The following LHFPL6 variants were observed in gnomAD, a reference collection of about 807,000 sequenced individuals.
LHFPL6 encodes LHFPL tetraspan subfamily member 6.
In LHFPL6, 9 loss-of-function variants were observed where a neutral mutation model predicts 20.6. That is an observed-to-expected ratio of 0.44 (90% CI 0.26 to 0.76). LHFPL6 has a LOEUF of 0.76. LHFPL6 is among the 30% of genes least tolerant of loss of function. The pLI is 0.20. For synonymous variants in LHFPL6, 105 were observed against 98.7 expected (o/e 1.06, Z -0.38); for missense variants, 218 against 253.5 (o/e 0.86, Z 0.95).
At chr13:39,379,166 T>C (rs1487616846) in intron 2 of LHFPL6, among the ~76,000 whole-genome samples, 1 of 152,182 alleles carries the variant, frequency 6.6e-6, no homozygotes, top group Admixed American at 6.5e-5. Context: ...TTTTGATGAC[T>C]AAACCAAAGA....
rs189363910 is a variant in LHFPL6 at position 39,435,049 on chromosome 13, C to T, written c.386-56523G>A. ...CCGCAGTCCGACCTGGGCGACAGAG[C>T]GAGACTCCGTCTCAAAAAAAAAAAA... On this transcript the variant is annotated intron_variant, in intron 2 of 3. Transcript: ENST00000379589. 2.9e-3 allele frequency among the ~76,000 whole-genome samples: 312 copies of T among 107,120 alleles called. 9 individuals are homozygous for T. In the East Asian group the frequency reaches 0.071, roughly 24 times the overall value. 70.3% of individuals were successfully genotyped at this position (107,120 alleles called of 152,430 possible). A position where few individuals can be genotyped will look rare whatever the true frequency, so the allele number is the denominator to read the frequency against.
At chr13:39,536,498 T>A (rs1870623454) in intron 2 of LHFPL6, among the ~76,000 whole-genome samples, 1 of 152,074 alleles carries the variant, frequency 6.6e-6, no homozygotes, top group Admixed American at 6.6e-5. Flanking sequence ...GCCCAACTCA[T>A]GGCTCTCCTA....
At chr13:39,478,681 C>G (rs1868392677) in intron 2 of LHFPL6, among the ~76,000 whole-genome samples, 1 of 152,056 alleles carries the variant, frequency 6.6e-6, no homozygotes, top group Non-Finnish European at 1.5e-5. Context: ...TCCATAAGCA[C>G]CTGGATAGAG....
Position 39,601,281 on chromosome 13 carries a change from G to C in LHFPL6, c.-65C>G. Reference sequence around the variant, plus strand: ...TCAGGGACTGCAGGAGTGAATGAAGGTGTGAAATCACCAGGGACCCACAGA... The same window carrying C: ...TCAGGGACTGCAGGAGTGAATGAAGCTGTGAAATCACCAGGGACCCACAGA... On this transcript the variant is annotated 5_prime_UTR_variant, in exon 2 of 4. Coordinates refer to ENST00000379589, the MANE Select transcript of LHFPL6 (RefSeq NM_005780.3). The C allele has an allele frequency of 1.3e-6, 2 of 1,485,402 alleles. No homozygotes were observed. The highest frequency in any genetic ancestry group is 4.3e-5 in the Admixed American group (2 of 46,214). The allele number at this position is 1,485,402 out of a possible 1,614,324, so 92.0% of individuals were successfully genotyped here. A position where few individuals can be genotyped will look rare whatever the true frequency, so the allele number is the denominator to read the frequency against.
At chr13:39,551,143 G>T (rs11841421) in intron 2 of LHFPL6, among the ~76,000 whole-genome samples, 2,637 of 152,160 alleles carry the variant, frequency 0.017, 85 homozygotes, top group African/African-American at 0.061. Flanking sequence ...TCCATTTTCT[G>T]TTGCTCTAGC....
At chr13:39,576,005 C>A (rs1338612630) in intron 2 of LHFPL6, among the ~76,000 whole-genome samples, 1 of 152,204 alleles carries the variant, frequency 6.6e-6, no homozygotes, top group Non-Finnish European at 1.5e-5. Context: ...GGCATCTCTT[C>A]CTTCTGCTTT....
At chr13:39,396,855 C>T (rs115188589) in intron 2 of LHFPL6, among the ~76,000 whole-genome samples, 1,604 of 152,158 alleles carry the variant, frequency 0.011, 27 homozygotes, top group African/African-American at 0.036. Context: ...TACATACACA[C>T]ACACAGAGGC....
At chr13:39,422,741 G>C (rs1281614638) in intron 2 of LHFPL6, among the ~76,000 whole-genome samples, 15 of 152,110 alleles carry the variant, frequency 9.9e-5, no homozygotes, top group Admixed American at 9.8e-4. Context: ...CATTTGTGTG[G>C]CTTGTAAGGA....
At chr13:39,374,662 T>C (rs1870243543) in intron 3 of LHFPL6, among the ~76,000 whole-genome samples, 1 of 152,224 alleles carries the variant, frequency 6.6e-6, no homozygotes, top group Admixed American at 6.5e-5. Context: ...ATAGAAGTGT[T>C]TGCCAACCTC....
chr13:39,480,995 T>C (rs1312488899), intron 2 of LHFPL6, among the ~76,000 whole-genome samples: 1 of 152,196 alleles, frequency 6.6e-6, no homozygotes, highest in African/African-American at 2.4e-5. Flanking sequence ...ACTTAATGTG[T>C]TATATATTTA....
At position 39,420,960 on chromosome 13, in the gene LHFPL6, T is replaced by G. The variant is rs190635943; in HGVS notation, c.386-42434A>C. On this transcript the variant is annotated intron_variant, in intron 2 of 3. Transcript: ENST00000379589. ...ATATCTTTAGGTTCTGAATCTGTGT[T>G]TTTCCCCCCCCTCAAAACTAGGAAA... is the stretch of plus-strand genomic sequence containing the variant. 7.3e-3 allele frequency among the ~76,000 whole-genome samples: 1,105 copies of G among 152,238 alleles called. 18 individuals are homozygous for G. The highest frequency in any genetic ancestry group is 0.025 in the African/African-American group (1,058 of 41,520).
In LHFPL6 at chr13:39,589,421, A is replaced by T. The variant is rs188314268; in HGVS notation, c.385+11411T>A. ...ACCGCACCCAGCCCAGATAAAGAAAATTTTTTAAAAACTAGATCCCCAATA... is the reference window on the plus strand; with the variant it reads ...ACCGCACCCAGCCCAGATAAAGAAATTTTTTTAAAAACTAGATCCCCAATA... On this transcript the variant is annotated intron_variant, in intron 2 of 3. Coordinates refer to ENST00000379589, the MANE Select transcript of LHFPL6 (RefSeq NM_005780.3). Among the ~76,000 whole-genome samples the T allele has an allele frequency of 2.4e-3, 371 of 152,158 alleles. 5 individuals carry two copies. Among genetic ancestry groups the T allele is most frequent in the African/African-American group, 8.4e-3 (347 of 41,530 alleles).
At chr13:39,466,196 G>A (rs571172070) in intron 2 of LHFPL6, among the ~76,000 whole-genome samples, 4 of 152,238 alleles carry the variant, frequency 2.6e-5, no homozygotes, top group Non-Finnish European at 4.4e-5. Flanking sequence ...TAAATGTTTG[G>A]ATCTGAGTTT....
At chr13:39,429,668 C>T (rs1016484608) in intron 2 of LHFPL6, among the ~76,000 whole-genome samples, 4 of 151,640 alleles carry the variant, frequency 2.6e-5, no homozygotes, top group Non-Finnish European at 5.9e-5. Context: ...TTTTCTAATC[C>T]TCTTTATGAA....
chr13:39,350,091 C>A (rs1442175313), intron 3 of LHFPL6, among the ~76,000 whole-genome samples: 1 of 152,158 alleles, frequency 6.6e-6, no homozygotes, highest in Non-Finnish European at 1.5e-5. Flanking sequence ...AAGCTGGAAA[C>A]GCAGCCGGGA....
chr13:39,496,826 A>T (rs978442918), intron 2 of LHFPL6, among the ~76,000 whole-genome samples: 2 of 152,292 alleles, frequency 1.3e-5, no homozygotes, highest in African/African-American at 4.8e-5. Context: ...CCAATGACCA[A>T]CTGGGAGTGA....
Position 39,436,571 on chromosome 13 carries a change from G to A in LHFPL6, c.386-58045C>T, listed in dbSNP as rs186516515. On this transcript the variant is annotated intron_variant, in intron 2 of 3. Transcript: ENST00000379589. The stretch of plus-strand genomic sequence containing the variant: ...ATTTCTTCTCCATAGCCCCTGTCCC[G>A]TCAAGAGTTTTTAACCTTCTAGTTC... Among the ~76,000 whole-genome samples, 97 of 152,148 alleles carry A rather than the reference G, an allele frequency of 6.4e-4. No individual in the cohort carries two copies. The Middle Eastern group carries it at 0.017, about 27-fold the overall frequency.
intron 2 of LHFPL6, among the ~76,000 whole-genome samples, chr13:39,494,928 T>G (rs1869049064): frequency 6.6e-6 from 1 of 152,236 alleles, no homozygotes; most frequent in South Asian, 2.1e-4. Flanking sequence ...TCACATGAGC[T>G]GGCAGCTGGA....
intron 2 of LHFPL6, among the ~76,000 whole-genome samples, chr13:39,587,524 A>C (rs1351677647): frequency 2.0e-5 from 3 of 152,068 alleles, no homozygotes; most frequent in African/African-American, 7.2e-5. Flanking sequence ...TCTAGTCACC[A>C]AAAATCCTAT....
Sources: allele counts gnomAD v4.1 joint callset (sites outside exome capture counted in the v4.1 genomes callset), GRCh38; gene constraint gnomAD v4.1.1; transcripts MANE v1.5; gene names NCBI Gene and HGNC (gene_info 2026-07-23, HGNC 2026-07-21).